BANK1: variants seen among roughly 807,000 people sequenced by gnomAD.
The protein encoded by BANK1 is B cell scaffold protein with ankyrin repeats 1.
BANK1 carries 95 observed loss-of-function variants against 94.5 expected under a neutral mutation model. That is an observed-to-expected ratio of 1.00 (90% confidence interval 0.85 to 1.19). The LOEUF (loss-of-function observed/expected upper bound fraction) is 1.19. Among genes scored for constraint, BANK1 ranks in the 50% most tolerant of loss-of-function variants. BANK1 has a pLI of 0.00. For missense variants in BANK1, 987 were observed against 932.2 expected, an observed-to-expected ratio of 1.06 and a Z score of -0.77; for synonymous variants, 334 against 308.4, an observed-to-expected ratio of 1.08 and a Z score of -0.87.
At chr4:102,072,846 G>A (rs1407203769) in intron 15 of BANK1, among the ~76,000 whole-genome samples, 3 of 152,058 alleles carry the variant, frequency 2.0e-5, no homozygotes, top group East Asian at 1.9e-4. Context: ...AATTGCTAAC[G>A]AGAAGCTAAT....
intron 13 of BANK1, among the ~76,000 whole-genome samples, chr4:102,068,326 T>A (rs1728654637): frequency 6.6e-6 from 1 of 150,898 alleles, no homozygotes; most frequent in Non-Finnish European, 1.5e-5. Context: ...AGGAGAGAAA[T>A]AATTAAGATC....
At chr4:102,007,083 T>TATATATAATATATAATTATATATATATAA (rs1726297048) in intron 7 of BANK1, among the ~76,000 whole-genome samples, 1 of 72,310 alleles carries the variant, frequency 1.4e-5, no homozygotes, top group Non-Finnish European at 3.4e-5. Flanking sequence ...TATATATAAA[T>TATATATAATATATAATTATATATATATAA]ATATATATAA....
intron 14 of BANK1, 24 bp from the exon 15 acceptor site, chr4:102,072,321 T>C (rs1469285912): frequency 6.6e-7 from 1 of 1,510,164 alleles, no homozygotes. Context: ...AATAAAGAGG[T>C]AATAACTGAG....
At chr4:102,071,391 AT>A in intron 14 of BANK1, 87 bp downstream of exon 14, 1 of 1,299,402 alleles carries the variant, frequency 7.7e-7, no homozygotes, top group Non-Finnish European at 1.1e-6. Flanking sequence ...ACCTAATGTG[AT>A]TAAGCAAGTC....
At chr4:101,977,947 TTTTGTTTG>T (rs147236980) in intron 7 of BANK1, among the ~76,000 whole-genome samples, 1,793 of 150,210 alleles carry the variant, frequency 0.012, 36 homozygotes, top group African/African-American at 0.041. Context: ...AATTTAGGGG[TTTTGTTTG>T]TTTGTTTGTT....
chr4:101,909,943 C>G (rs746200599), intron 6 of BANK1, among the ~76,000 whole-genome samples: 33 of 152,138 alleles, frequency 2.2e-4, no homozygotes, highest in Middle Eastern at 3.2e-3. Flanking sequence ...AGTTTTCTTA[C>G]AGAAACTGTG....
chr4:102,038,218 A>G (rs886263987), intron 10 of BANK1, among the ~76,000 whole-genome samples: 2 of 152,190 alleles, frequency 1.3e-5, no homozygotes, highest in African/African-American at 4.8e-5. Flanking sequence ...GAAATATAAC[A>G]GTGCAAATCA....
chr4:102,016,639 G>A (rs1288525637), intron 7 of BANK1, among the ~76,000 whole-genome samples: 1 of 152,146 alleles, frequency 6.6e-6, no homozygotes, highest in Non-Finnish European at 1.5e-5. Context: ...TGGAAGACCT[G>A]ATTAACTATT....
chr4:102,028,034 G>C (rs1204620861), intron 9 of BANK1, among the ~76,000 whole-genome samples: 1 of 152,116 alleles, frequency 6.6e-6, no homozygotes, highest in Non-Finnish European at 1.5e-5. Context: ...AATTCAGAAA[G>C]CTTAGGTCCC....
intron 6 of BANK1, among the ~76,000 whole-genome samples, chr4:101,906,574 G>C (rs1408431309): frequency 2.0e-5 from 3 of 152,136 alleles, no homozygotes; most frequent in African/African-American, 7.2e-5. Flanking sequence ...CCCTTCCTTT[G>C]CCGCTTTAGC....
chr4:101,868,542 T>A (rs1239312534), intron 4 of BANK1, among the ~76,000 whole-genome samples: 1 of 151,948 alleles, frequency 6.6e-6, no homozygotes, highest in Non-Finnish European at 1.5e-5. Flanking sequence ...ATATACTTGC[T>A]TGGTTTGGAG....
At chr4:101,961,939 A>G (rs574472654) in intron 7 of BANK1, among the ~76,000 whole-genome samples, 3 of 152,174 alleles carry the variant, frequency 2.0e-5, no homozygotes, top group Non-Finnish European at 2.9e-5. Context: ...GCTTGCTTAT[A>G]TAAGTTCAGT....
intron 7 of BANK1, among the ~76,000 whole-genome samples, chr4:101,952,632 A>G (rs1037648649): frequency 6.6e-6 from 1 of 152,174 alleles, no homozygotes; most frequent in Non-Finnish European, 1.5e-5. Context: ...AATTTAACCT[A>G]AAACATTGGC....
intron 5 of BANK1, among the ~76,000 whole-genome samples, chr4:101,880,918 A>G (rs1321364092): frequency 6.6e-6 from 1 of 152,146 alleles, no homozygotes; most frequent in Admixed American, 6.5e-5. Context: ...TACAAAAATC[A>G]AATCAAAATG....
At chr4:101,918,928 A>G (rs777837655) in intron 7 of BANK1, among the ~76,000 whole-genome samples, 5 of 151,968 alleles carry the variant, frequency 3.3e-5, no homozygotes, top group Admixed American at 1.3e-4. Context: ...TAAATATAGC[A>G]CATGAAGTAT....
intron 7 of BANK1, among the ~76,000 whole-genome samples, chr4:102,010,065 G>A (rs536423153): frequency 2.6e-5 from 4 of 151,914 alleles, no homozygotes; most frequent in African/African-American, 7.2e-5. Context: ...AGGAGATCGA[G>A]ACCATCCTGG....
chr4:102,067,611 T>C (rs1435885358), intron 13 of BANK1, among the ~76,000 whole-genome samples: 1 of 151,920 alleles, frequency 6.6e-6, no homozygotes, highest in African/African-American at 2.4e-5. Context: ...ACTAGAAAGA[T>C]AGAGCGATTC....
At chr4:101,821,255 A>C (rs1726134921) in intron 1 of BANK1, among the ~76,000 whole-genome samples, 1 of 152,080 alleles carries the variant, frequency 6.6e-6, no homozygotes, top group Non-Finnish European at 1.5e-5. Context: ...TCTTCTTTTG[A>C]AAAGTGTCTA....
chr4:101,965,070 C>G (rs1197169628), intron 7 of BANK1, among the ~76,000 whole-genome samples: 1 of 151,398 alleles, frequency 6.6e-6, no homozygotes, highest in Non-Finnish European at 1.5e-5. Flanking sequence ...CCAATTTCAT[C>G]CATGTCCCTA....
Sources: allele counts gnomAD v4.1 joint callset (sites outside exome capture counted in the v4.1 genomes callset), GRCh38; gene constraint gnomAD v4.1.1; transcripts MANE v1.5; gene names NCBI Gene and HGNC (gene_info 2026-07-23, HGNC 2026-07-21).